The following TYMS variants were observed in gnomAD, a reference collection of about 807,000 sequenced individuals.
The protein encoded by TYMS is thymidylate synthase.
Under a neutral mutation model 39.3 loss-of-function variants are expected in TYMS, and 21 were observed. The observed-to-expected ratio is 0.54, with a 90% confidence interval of 0.38 to 0.77. The LOEUF (loss-of-function observed/expected upper bound fraction) is 0.77, where lower values mean the gene tolerates loss of function less well. Ranked by LOEUF, TYMS falls within the 30% of genes least tolerant of loss-of-function variation. The probability of loss-of-function intolerance (pLI) is 0.00; values close to 1 mark genes in which losing one functional copy is unlikely to be tolerated. For missense variants in TYMS, 273 were observed against 406.7 expected (o/e 0.67, Z 2.83); for synonymous variants, 171 against 162.2 (o/e 1.05, Z -0.41).
chr18:658,000 TG>T, intron 1 of TYMS, 53 bp downstream of exon 1: 1 of 1,520,332 alleles, frequency 6.6e-7, no homozygotes, highest in Non-Finnish European at 8.8e-7. Context: ...GAGGCGCGGC[TG>T]GGGAGAGCGC....
Position 657,725 on chromosome 18 carries a change from TCCCCCG to T in TYMS, c.-14_-9del, listed in dbSNP as rs1230662555. On this transcript the variant is annotated 5_prime_UTR_variant, in exon 1 of 7. Transcript: ENST00000323274. The stretch of plus-strand genomic sequence containing the variant: ...CGCCGCGCCACTTCGCCTGCCTCCG[TCCCCCG>T]CCCGCCGCGCCATGCCTGTGGCCGG... 112 of 1,329,484 alleles carry T rather than the reference TCCCCCG, an allele frequency of 8.4e-5. No homozygotes were observed. The highest frequency in any genetic ancestry group is 9.4e-5 in the African/African-American group (6 of 63,902). 82.4% of individuals were successfully genotyped at this position (1,329,484 alleles called of 1,614,324 possible).
At chr18:670,593 C>T (rs2074996530) in intron 4 of TYMS, 99 bp from the exon 5 acceptor site, 7 of 1,325,400 alleles carry the variant, frequency 5.3e-6, no homozygotes, top group Admixed American at 1.9e-5. Flanking sequence ...TGGTCTCCAC[C>T]ATATGAGTTG....
intron 3 of TYMS, chr18:667,571 A>AGATGGTGATGGTGATGGAGATGGT (rs2074880059): frequency 1.4e-4 from 4 of 27,966 alleles, no homozygotes; most frequent in East Asian, 1.5e-3. Flanking sequence ...ATGGTGATGG[A>AGATGGTGATGGTGATGGAGATGGT]GATGGTGATG....
At chr18:671,931 C>T (rs779458067) in intron 6 of TYMS, 30 of 164,336 alleles carry the variant, frequency 1.8e-4, no homozygotes, top group Non-Finnish European at 3.4e-4. Flanking sequence ...AGGCACATGC[C>T]ACCACACCCA....
chr18:658,408 G>C lies in TYMS; in HGVS notation c.205+461G>C. 1 of 1,192,900 alleles carries C rather than the reference G, an allele frequency of 8.4e-7. No individual in the cohort carries two copies. Among genetic ancestry groups the C allele is most frequent in the Non-Finnish European group, 1.1e-6 (1 of 919,370 alleles). The allele number at this position is 1,192,900 out of a possible 1,614,324, so 73.9% of individuals were successfully genotyped here. A position where few individuals can be genotyped will look rare whatever the true frequency, so the allele number is the denominator to read the frequency against. On this transcript the variant is annotated intron_variant, in intron 1 of 6. Transcript: ENST00000323274. This position sits in a 1 kb window ranked among gnomAD's most constrained non-coding sequence, Gnocchi z 4.5. ...ACTGGAGCGAAAGTGATGTGGGCGG[G>C]GCAAAGGCGGCGGGAAGAGGAGAGC...
At chr18:672,073 C>G (rs2075087468) in intron 6 of TYMS, 1 of 152,284 alleles carries the variant, frequency 6.6e-6, no homozygotes, top group African/African-American at 2.4e-5. Flanking sequence ...AGCCACCACC[C>G]TGGCCATAAA....
In TYMS at chr18:666,999, AGATGGTGATGGT is replaced by A. The variant is rs1176133296; in HGVS notation, c.455-2067_455-2056del. Among the ~76,000 whole-genome samples, 51 of 6,718 alleles carry A rather than the reference AGATGGTGATGGT, an allele frequency of 7.6e-3. 10 individuals are homozygous for A. The highest frequency in any genetic ancestry group is 0.037 in the South Asian group (7 of 190). 4.4% of individuals were successfully genotyped at this position (6,718 alleles called of 152,430 possible). A position where few individuals can be genotyped will look rare whatever the true frequency, so the allele number is the denominator to read the frequency against. On this transcript the variant is annotated intron_variant, in intron 3 of 6. Transcript: ENST00000323274. ...GAGATGGAGATGGTGATGGTGATGG[AGATGGTGATGGT>A]GATGGAGATGGAGATGGTGATGGAG...
At position 667,161 on chromosome 18, in the gene TYMS, A is replaced by T. The variant is rs368212592; in HGVS notation, c.455-1911A>T. Among the ~76,000 whole-genome samples, 243 of 38,450 alleles carry T rather than the reference A, an allele frequency of 6.3e-3. 1 individual carries two copies. The highest frequency in any genetic ancestry group is 9.7e-3 in the Admixed American group (46 of 4,750). 25.2% of individuals were successfully genotyped at this position (38,450 alleles called of 152,430 possible). On this transcript the variant is annotated intron_variant, in intron 3 of 6. Transcript: ENST00000323274. ...GTGATGGTGATGGTGATGGTGATGG[A>T]GATGGTGATGGTGATGGTGATGGTG...
At chr18:672,636 G>A (rs2075114546) in intron 6 of TYMS, 1 of 378,784 alleles carries the variant, frequency 2.6e-6, no homozygotes. Flanking sequence ...GGCTCCTGAT[G>A]CTGTGTAATG....
chr18:670,915 C>G, intron 5 of TYMS, 48 bp downstream of exon 5: 1 of 1,587,338 alleles, frequency 6.3e-7, no homozygotes. Context: ...ACACTGAGCT[C>G]TTCAGTTCTT....
chr18:660,579 T>G lies in TYMS; in HGVS notation c.279+865T>G, dbSNP rs1433604396. ...GAGTCAACATATATTGATCACTAAATGTAGATACCACCTGTGTTCCCATGT... is the reference window on the plus strand; with the variant it reads ...GAGTCAACATATATTGATCACTAAAGGTAGATACCACCTGTGTTCCCATGT... On this transcript the variant is annotated intron_variant, in intron 2 of 6. Transcript: ENST00000323274. The surrounding 1 kb of genome is among the most constrained non-coding windows in gnomAD (Gnocchi z 4.6). 1.3e-5 allele frequency among the ~76,000 whole-genome samples: 2 copies of G among 152,200 alleles called. No homozygotes were observed. The highest frequency in any genetic ancestry group is 2.9e-5 in the Non-Finnish European group (2 of 68,040).
intron 3 of TYMS, among the ~76,000 whole-genome samples, chr18:663,005 T>C (rs2074772859): frequency 6.9e-6 from 1 of 143,972 alleles, no homozygotes; most frequent in Non-Finnish European, 1.5e-5. Flanking sequence ...AGCAGCATGA[T>C]TTAATAGTCC....
Position 671,077 on chromosome 18 carries a change from G to A in TYMS, c.732+210G>A, listed in dbSNP as rs538593779. ...GTATACGCACTAACAGATCTATACA[G>A]GTTGTTTGTGATACAGCTTCTATGG... On this transcript the variant is annotated intron_variant, in intron 5 of 6. Transcript: ENST00000323274. 1.6e-5 allele frequency: 10 copies of A among 638,632 alleles called. No individual in the cohort carries two copies. The African/African-American group carries it at 1.7e-4, about 11-fold the overall frequency. 39.6% of individuals were successfully genotyped at this position (638,632 alleles called of 1,614,324 possible). A position where few individuals can be genotyped will look rare whatever the true frequency, so the allele number is the denominator to read the frequency against.
At chr18:671,262 A>G in intron 5 of TYMS, 118 bp from the exon 6 acceptor site, 1 of 765,564 alleles carries the variant, frequency 1.3e-6, no homozygotes, top group Non-Finnish European at 2.3e-6. Context: ...TGGAAAAGCT[A>G]CACTAAATTA....
In TYMS at chr18:673,077, C is replaced by T; in HGVS notation, c.*80C>T. The T allele has an allele frequency of 2.1e-6, 3 of 1,409,308 alleles. No individual in the cohort carries two copies. Among genetic ancestry groups the T allele is most frequent in the Non-Finnish European group, 1.9e-6 (2 of 1,061,366 alleles). 87.3% of individuals were successfully genotyped at this position (1,409,308 alleles called of 1,614,324 possible). ...TGCCGAGGTAAAAGTTCTTTTTGCTCTAAAAGAAAAAGGAACTAGGTCAAA... is the reference window on the plus strand; with the variant it reads ...TGCCGAGGTAAAAGTTCTTTTTGCTTTAAAAGAAAAAGGAACTAGGTCAAA... On this transcript the variant is annotated 3_prime_UTR_variant, in exon 7 of 7. Transcript: ENST00000323274.
At chr18:671,047 C>T (rs1362867432) in intron 5 of TYMS, 180 bp downstream of exon 5, 1 of 708,786 alleles carries the variant, frequency 1.4e-6, no homozygotes, top group Non-Finnish European at 2.3e-6. Context: ...TTTTCTGGCC[C>T]TGTGGTATAC....
chr18:671,689 G>A, intron 6 of TYMS: 1 of 523,816 alleles, frequency 1.9e-6, no homozygotes, highest in Non-Finnish European at 3.3e-6. Flanking sequence ...TACCAGAGAG[G>A]GAAGAGCCAC....
chr18:660,245 C>T lies in TYMS; in HGVS notation c.279+531C>T, dbSNP rs933981161. 5.9e-5 allele frequency among the ~76,000 whole-genome samples: 9 copies of T among 152,132 alleles called. No individual in the cohort carries two copies. The highest frequency in any genetic ancestry group is 2.1e-4 in the South Asian group (1 of 4,820). On this transcript the variant is annotated intron_variant, in intron 2 of 6. Transcript: ENST00000323274. This position sits in a 1 kb window ranked among gnomAD's most constrained non-coding sequence, Gnocchi z 4.6. Reference sequence around the variant, plus strand: ...TGTTCTTGTGAGTTTTTGAGCACACCGGGACATCCCCACTCCCTGGAACCT... The same window carrying T: ...TGTTCTTGTGAGTTTTTGAGCACACTGGGACATCCCCACTCCCTGGAACCT...
intron 5 of TYMS, 99 bp from the exon 6 acceptor site, chr18:671,279 TAA>T: frequency 1.2e-6 from 1 of 835,854 alleles, no homozygotes; most frequent in Non-Finnish European, 2.0e-6. Flanking sequence ...ATTATTTTTT[TAA>T]AAAAAGCCTT....
Sources: gnomAD v4.1 joint callset for allele counts (sites outside exome capture counted in the v4.1 genomes callset) on GRCh38, gnomAD v4.1.1 for gene constraint, Gnocchi (gnomAD v3.1) non-coding constraint, MANE v1.5 for transcripts, NCBI Gene and HGNC (gene_info 2026-07-23, HGNC 2026-07-21) for gene names.